FAN1: variants seen among roughly 807,000 people sequenced by gnomAD.
FAN1 encodes fanconi-associated nuclease 1.
In FAN1, 91 loss-of-function variants were observed where a neutral mutation model predicts 104.9. That is an observed-to-expected ratio of 0.87 (90% CI 0.73 to 1.03). FAN1 has a LOEUF of 1.03. Ranked by LOEUF, FAN1 falls within the 50% of genes least tolerant of loss-of-function variation. The pLI, the probability that FAN1 is intolerant of heterozygous loss-of-function variation, is 0.00. For missense variants in FAN1, 1,263 were observed against 1,239.9 expected, an observed-to-expected ratio of 1.02 and a Z score of -0.28; for synonymous variants, 478 against 457.6, an observed-to-expected ratio of 1.04 and a Z score of -0.57.
chr15:30,906,328 A>T lies in FAN1; in HGVS notation c.1234+431A>T, dbSNP rs1440866749. ...TAAAATACAATACAGGAAGAAAACA[A>T]ACCAACCTGAGGCATATTTTCTTTC... On this transcript the variant is annotated intron_variant, in intron 2 of 14. Transcript: ENST00000362065. 4 of 459,348 alleles carry T rather than the reference A, an allele frequency of 8.7e-6. No individual in the cohort carries two copies. The Admixed American group carries it at 9.4e-5, about 11-fold the overall frequency. The allele number at this position is 459,348 out of a possible 1,614,324, so 28.5% of individuals were successfully genotyped here.
chr15:30,927,184 G>A, intron 10 of FAN1: 1 of 962,490 alleles, frequency 1.0e-6, no homozygotes, highest in Non-Finnish European at 1.2e-6. Flanking sequence ...ACTCCAGTCT[G>A]GGTGACAGAG....
At chr15:30,928,363 T>A (rs915549010) in intron 10 of FAN1, 190 bp from the exon 11 acceptor site, 2 of 1,399,354 alleles carry the variant, frequency 1.4e-6, no homozygotes, top group African/African-American at 2.9e-5. Context: ...GCTCTGTATA[T>A]AAACAACATA....
Position 30,905,795 on chromosome 15 carries a change from A to C in FAN1, c.1132A>C (p.Ser378Arg). The change falls in exon 2 of 15, where the codon AGT (serine) becomes CGT (arginine). Residue 378 changes from serine to arginine, a missense_variant. By Grantham distance (110) the Ser-to-Arg change is moderately radical (BLOSUM62 -1). This residue lies in a region of FAN1 where 682 missense variants were observed against 571.1 expected (regional missense o/e 1.19). Coordinates refer to ENST00000362065, the MANE Select transcript of FAN1 (RefSeq NM_014967.5). ...AACCGGTCATCCTTACTACCTTCGG[A>C]GTTTCCTTGTGGTGCTGAAAACCGT... ...QTTGHPYYLR[S>R]FLVVLKTVLE... 1 of 1,614,184 alleles carries C rather than the reference A, an allele frequency of 6.2e-7. No individual in the cohort carries two copies. The highest frequency in any genetic ancestry group is 1.6e-4 in the Middle Eastern group (1 of 6,062).
At chr15:30,929,944 AAT>A (rs1566931337) in intron 12 of FAN1, among the ~76,000 whole-genome samples, 3 of 107,818 alleles carry the variant, frequency 2.8e-5, no homozygotes, top group Non-Finnish European at 5.0e-5. Flanking sequence ...TAAAATATAT[AAT>A]ATAATATATA....
chr15:30,935,317 G>A lies in FAN1; in HGVS notation c.2917-1802G>A, dbSNP rs572348273. ...AGTGAGACCTTGTCTCAAAAAAAAAGAAAAAAAGAAAAAGAAAAAATTTCC... is the reference window on the plus strand; with the variant it reads ...AGTGAGACCTTGTCTCAAAAAAAAAAAAAAAAAGAAAAAGAAAAAATTTCC... On this transcript the variant is annotated intron_variant, in intron 13 of 14. Coordinates refer to ENST00000362065, the MANE Select transcript of FAN1 (RefSeq NM_014967.5). 8.3e-3 allele frequency among the ~76,000 whole-genome samples: 1,259 copies of A among 151,052 alleles called. 13 individuals carry two copies. Among genetic ancestry groups the A allele is most frequent in the African/African-American group, 0.029 (1,186 of 41,056 alleles).
At chr15:30,919,146 C>T (rs1012876787) in intron 6 of FAN1, among the ~76,000 whole-genome samples, 5 of 150,154 alleles carry the variant, frequency 3.3e-5, no homozygotes, top group African/African-American at 9.9e-5. Flanking sequence ...TTTGGGAGGC[C>T]GAGGCTGGCA....
rs919140598 is a variant in FAN1, at chr15:30,940,574, C to CTTGT, written c.*4-985_*4-982dup. ...AAGCCCAGCACGCCTCCCAGCAAGC[C>CTTGT]TTGTTTGTTTTTGAGGGCGAGTTTT... On this transcript the variant is annotated intron_variant, in intron 14 of 14. Transcript: ENST00000362065. The CTTGT allele has an allele frequency of 1.2e-5, 12 of 985,432 alleles. No homozygotes were observed. The East Asian group carries it at 3.4e-4, about 28-fold the overall frequency. The allele number at this position is 985,432 out of a possible 1,614,324, so 61.0% of individuals were successfully genotyped here.
chr15:30,941,217 A>C, intron 14 of FAN1: 1 of 1,392,806 alleles, frequency 7.2e-7, no homozygotes, highest in Non-Finnish European at 9.5e-7. Context: ...TGTAGCAGAC[A>C]ACATGAACAG....
chr15:30,943,045 A>ATTGGATGTTTT lies in FAN1; in HGVS notation c.*1485_*1495dup. The ATTGGATGTTTT allele has an allele frequency of 6.5e-7, 1 of 1,538,606 alleles. No individual in the cohort carries two copies. The highest frequency in any genetic ancestry group is 2.4e-5 in the East Asian group (1 of 40,902). On this transcript the variant is annotated 3_prime_UTR_variant, in exon 15 of 15. Transcript: ENST00000362065. The stretch of plus-strand genomic sequence containing the variant: ...AATTTTAAGCCCTTCTCATCACCCA[A>ATTGGATGTTTT]TTGGATGTTTTTGCTTATAGCAAAT...
Position 30,942,802 on chromosome 15 carries a change from G to C in FAN1, c.*1240G>C, listed in dbSNP as rs3512. On this transcript the variant is annotated 3_prime_UTR_variant, in exon 15 of 15. Coordinates refer to ENST00000362065, the MANE Select transcript of FAN1 (RefSeq NM_014967.5). ...CGCATTAGCAGTGTTACTCTTGGAA[G>C]TGCCTTTACTTTTAACGCTCTCTGT... 401,200 of 1,319,134 alleles carry C rather than the reference G, an allele frequency of 0.3. 64,616 individuals carry two copies. The highest frequency in any genetic ancestry group is 0.33 in the Non-Finnish European group (324,874 of 976,370). The allele number at this position is 1,319,134 out of a possible 1,614,324, so 81.7% of individuals were successfully genotyped here. A position where few individuals can be genotyped will look rare whatever the true frequency, so the allele number is the denominator to read the frequency against.
intron 1 of FAN1, among the ~76,000 whole-genome samples, chr15:30,904,231 G>T (rs1314790755): frequency 6.6e-6 from 1 of 152,202 alleles, no homozygotes; most frequent in Non-Finnish European, 1.5e-5. Context: ...CAGTGGTCTT[G>T]TAAAGGGTCT....
chr15:30,905,787 A>G lies in FAN1; in HGVS notation c.1124A>G (p.Tyr375Cys). The stretch of plus-strand genomic sequence containing the variant: ...GGTCAAACAACCGGTCATCCTTACT[A>G]CCTTCGGAGTTTCCTTGTGGTGCTG... Reference protein sequence around the residue: ...GPGQTTGHPYYLRSFLVVLKT... With the variant: ...GPGQTTGHPYCLRSFLVVLKT... Residue 375 changes from tyrosine (Y) to cysteine (C), a missense_variant, in exon 2 of 15, where the codon TAC becomes TGC. Around this residue, in one of 2 missense-constraint regions of FAN1, gnomAD observed 682 missense variants for 571.1 expected, o/e 1.19. Transcript: ENST00000362065. The G allele has an allele frequency of 1.9e-6, 3 of 1,614,176 alleles. No homozygotes were observed. Among genetic ancestry groups the G allele is most frequent in the Non-Finnish European group, 2.5e-6 (3 of 1,180,024 alleles).
At chr15:30,913,423 C>T (rs925306855) in intron 4 of FAN1, among the ~76,000 whole-genome samples, 2 of 152,170 alleles carry the variant, frequency 1.3e-5, no homozygotes, top group African/African-American at 2.4e-5. Context: ...ATTTGCACCA[C>T]GTCTTGGTAC....
intron 7 of FAN1, among the ~76,000 whole-genome samples, chr15:30,921,975 T>G (rs1241101809): frequency 6.6e-6 from 1 of 152,142 alleles, no homozygotes; most frequent in Non-Finnish European, 1.5e-5. Context: ...CAGATAACAC[T>G]CTGCAGCACT....
At chr15:30,927,674 T>TG in intron 10 of FAN1, 1 of 985,600 alleles carries the variant, frequency 1.0e-6, no homozygotes, top group Non-Finnish European at 1.2e-6. Flanking sequence ...GATGGGGGTC[T>TG]GGTGGTCAGC....
intron 2 of FAN1, chr15:30,906,309 A>G (rs1394227618): frequency 8.7e-6 from 4 of 461,072 alleles, no homozygotes; most frequent in African/African-American, 6.0e-5. Flanking sequence ...AGAATAAAAT[A>G]CAATACAGGA....
At chr15:30,921,401 C>T (rs1333324088) in intron 7 of FAN1, among the ~76,000 whole-genome samples, 1 of 152,192 alleles carries the variant, frequency 6.6e-6, no homozygotes, top group Non-Finnish European at 1.5e-5. Flanking sequence ...TTTATAATCA[C>T]AAATCAGAAA....
In FAN1 at chr15:30,925,204, C is replaced by T. The variant is rs892247691; in HGVS notation, c.2250C>T (p.Ala750=). The part of the protein sequence containing the change: ...TGHRLSLYQR[A]VRLRESPSCK... ...ACCGCCTTTCACTGTATCAGCGAGC[C>T]GTGCGCCTGCGAGAGTCTCCGAGCT... Residue 750 remains alanine (A), a synonymous_variant, in exon 9 of 15, where the codon GCC becomes GCT. Coordinates refer to ENST00000362065, the MANE Select transcript of FAN1 (RefSeq NM_014967.5). The T allele has an allele frequency of 5.6e-6, 9 of 1,613,892 alleles. No homozygotes were observed. Among genetic ancestry groups the T allele is most frequent in the African/African-American group, 2.7e-5 (2 of 74,888 alleles).
At chr15:30,940,619 T>G (rs2063013020) in intron 14 of FAN1, 31 of 985,468 alleles carry the variant, frequency 3.1e-5, no homozygotes, top group Non-Finnish European at 3.6e-5. Context: ...GGCACTCTCC[T>G]GTCTACAGCA....
Sources: gnomAD v4.1 joint callset for allele counts (sites outside exome capture counted in the v4.1 genomes callset) on GRCh38, gnomAD v4.1.1 for gene constraint, gnomAD v4.1.1 regional missense constraint, MANE v1.5 for transcripts, NCBI Gene and HGNC (gene_info 2026-07-23, HGNC 2026-07-21) for gene names.